The following PLEKHA8 variants were observed in gnomAD, a reference collection of about 807,000 sequenced individuals.
The protein encoded by PLEKHA8 is pleckstrin homology domain-containing family A member 8.
PLEKHA8 carries 36 observed loss-of-function variants against 68.2 expected under a neutral mutation model. The observed-to-expected ratio is 0.53, with a 90% CI of 0.40 to 0.70. The LOEUF (loss-of-function observed/expected upper bound fraction) is 0.70, where lower values mean the gene tolerates loss of function less well. Among genes scored for constraint, PLEKHA8 ranks in the 30% least tolerant of loss-of-function variants. The pLI is 0.00. For missense variants in PLEKHA8, 505 were observed against 615.4 expected (o/e 0.82, Z 1.90); for synonymous variants, 211 against 216.1 (o/e 0.98, Z 0.20).
chr7:30,060,300 G>C (rs1480133762), intron 9 of PLEKHA8, among the ~76,000 whole-genome samples: 2 of 151,840 alleles, frequency 1.3e-5, no homozygotes, highest in Non-Finnish European at 2.9e-5. Context: ...AATTAGCTGG[G>C]CGTGGTGGTG....
At chr7:30,051,786 C>A (rs1792430362) in intron 6 of PLEKHA8, among the ~76,000 whole-genome samples, 3 of 152,052 alleles carry the variant, frequency 2.0e-5, no homozygotes, top group Admixed American at 2.0e-4. Flanking sequence ...CCAGCCTGGC[C>A]AACCTGGTGA....
Position 30,117,019 on chromosome 7 carries a change from A to G in PLEKHA8, c.1363-12247A>G, listed in dbSNP as rs193073081. 5.7e-3 allele frequency among the ~76,000 whole-genome samples: 864 copies of G among 152,314 alleles called. 15 individuals are homozygous for G. Among genetic ancestry groups the G allele is most frequent in the Non-Finnish European group, 7.6e-3 (519 of 68,038 alleles). On this transcript the variant is annotated intron_variant, in intron 13 of 13. Coordinates refer to the PLEKHA8 transcript ENST00000396257. ...CACTTGGTCTTGCAAATGTAGGTCT[A>G]ACTTTGTCACCGCCTTTCCGTCTGC...
intron 1 of PLEKHA8, among the ~76,000 whole-genome samples, chr7:30,041,929 A>G (rs1278884067): frequency 1.3e-5 from 2 of 152,096 alleles, no homozygotes; most frequent in Non-Finnish European, 2.9e-5. Context: ...ATGTAAAATA[A>G]TGGTGTGTCT....
intron 3 of PLEKHA8, among the ~76,000 whole-genome samples, chr7:30,047,081 A>G (rs540655523): frequency 1.3e-5 from 2 of 152,328 alleles, no homozygotes; most frequent in East Asian, 1.9e-4. Context: ...TCCAGGGAAC[A>G]TCTCTCATGA....
intron 13 of PLEKHA8, among the ~76,000 whole-genome samples, chr7:30,117,375 A>G (rs1796600733): frequency 1.3e-5 from 2 of 152,172 alleles, no homozygotes. Flanking sequence ...TAAAATTTGT[A>G]GTAGAAATAA....
chr7:30,087,017 T>G (rs1373287304), downstream of PLEKHA8, among the ~76,000 whole-genome samples: 1 of 152,206 alleles, frequency 6.6e-6, no homozygotes, highest in African/African-American at 2.4e-5. Context: ...TTTGGGATGA[T>G]TTGCTGTGTG....
Position 30,080,066 on chromosome 7 carries a change from A to G in PLEKHA8, c.*1279A>G, listed in dbSNP as rs1794844651. On this transcript the variant is annotated 3_prime_UTR_variant, in exon 14 of 14. Transcript: ENST00000449726. ...GGGGACCATGACTCTGAATCTGCTTACCAATCAATCTCGGTTTAATCACCA... is the reference window on the plus strand; with the variant it reads ...GGGGACCATGACTCTGAATCTGCTTGCCAATCAATCTCGGTTTAATCACCA... The G allele has an allele frequency of 7.1e-6, 7 of 985,376 alleles. No individual in the cohort carries two copies. Among genetic ancestry groups the G allele is most frequent in the Non-Finnish European group, 8.4e-6 (7 of 829,922 alleles). 61.0% of individuals were successfully genotyped at this position (985,376 alleles called of 1,614,324 possible).
chr7:30,084,175 A>G lies in PLEKHA8; in HGVS notation c.*5388A>G. ...AAATTAATGTCTACATAAAGAAGAA[A>G]CATGATAGACCAGATGCCAAAGGCT... On this transcript the variant is annotated 3_prime_UTR_variant, in exon 14 of 14. Transcript: ENST00000449726. The G allele has an allele frequency of 1.0e-6, 1 of 985,350 alleles. No homozygotes were observed. Among genetic ancestry groups the G allele is most frequent in the Non-Finnish European group, 1.2e-6 (1 of 829,808 alleles). 61.0% of individuals were successfully genotyped at this position (985,350 alleles called of 1,614,324 possible). A position where few individuals can be genotyped will look rare whatever the true frequency, so the allele number is the denominator to read the frequency against.
intron 4 of PLEKHA8, among the ~76,000 whole-genome samples, chr7:30,048,834 C>T (rs193038753): frequency 2.3e-4 from 34 of 150,304 alleles, no homozygotes; most frequent in Non-Finnish European, 4.6e-4. Flanking sequence ...GTGAGATAGA[C>T]TGTGAGGGGA....
chr7:30,128,823 G>C (rs754767124), intron 13 of PLEKHA8, among the ~76,000 whole-genome samples: 39 of 152,196 alleles, frequency 2.6e-4, no homozygotes, highest in Non-Finnish European at 4.9e-4. Flanking sequence ...TCCACTCAAG[G>C]TGGAAGACAG....
intron 13 of PLEKHA8, among the ~76,000 whole-genome samples, chr7:30,101,180 G>GAA (rs374275819): frequency 3.5e-5 from 5 of 141,190 alleles, no homozygotes; most frequent in Non-Finnish European, 6.2e-5. Context: ...AGACTTGGGG[G>GAA]AAAAAAAAAA....
intron 12 of PLEKHA8, among the ~76,000 whole-genome samples, chr7:30,066,207 T>C (rs564257844): frequency 6.6e-6 from 1 of 152,364 alleles, no homozygotes; most frequent in African/African-American, 2.4e-5. Flanking sequence ...CCAATAAAAA[T>C]ACTGCTTAAG....
intron 1 of PLEKHA8, among the ~76,000 whole-genome samples, chr7:30,036,414 AGAT>A (rs1214255785): frequency 1.6e-4 from 8 of 50,240 alleles, no homozygotes; most frequent in African/African-American, 5.1e-4. Context: ...TAGAATAGAT[AGAT>A]AGATAGATAG....
At chr7:30,057,737 A>C (rs530554636) in intron 9 of PLEKHA8, among the ~76,000 whole-genome samples, 1 of 152,236 alleles carries the variant, frequency 6.6e-6, no homozygotes, top group Non-Finnish European at 1.5e-5. Flanking sequence ...CTGGGATTAC[A>C]GGAGTGAGCC....
intron 12 of PLEKHA8, among the ~76,000 whole-genome samples, chr7:30,089,676 T>C (rs1795330303): frequency 6.6e-6 from 1 of 151,648 alleles, no homozygotes; most frequent in Non-Finnish European, 1.5e-5. Context: ...GGGATGGGGG[T>C]GGAGTGGGAA....
chr7:30,055,947 T>TC (rs1197425408), intron 9 of PLEKHA8, among the ~76,000 whole-genome samples: 2 of 146,600 alleles, frequency 1.4e-5, no homozygotes, highest in East Asian at 2.0e-4. Context: ...CATATTTTCT[T>TC]TTTTTTTTTT....
intron 13 of PLEKHA8, among the ~76,000 whole-genome samples, chr7:30,110,834 G>A (rs952357639): frequency 6.6e-6 from 1 of 150,606 alleles, no homozygotes; most frequent in Non-Finnish European, 1.5e-5. Flanking sequence ...TTAGCAATTT[G>A]TATATCTTCT....
At chr7:30,127,752 T>C (rs1796799615) in intron 13 of PLEKHA8, among the ~76,000 whole-genome samples, 1 of 152,188 alleles carries the variant, frequency 6.6e-6, no homozygotes, top group African/African-American at 2.4e-5. Flanking sequence ...GAAATAAAAA[T>C]TGTGTTCAGT....
At chr7:30,052,157 G>C (rs925677293) in intron 6 of PLEKHA8, among the ~76,000 whole-genome samples, 1 of 152,142 alleles carries the variant, frequency 6.6e-6, no homozygotes, top group African/African-American at 2.4e-5. Flanking sequence ...GATGCTGCTG[G>C]GGAGCAGGAA....
Sources: gnomAD v4.1 joint callset for allele counts (sites outside exome capture counted in the v4.1 genomes callset) on GRCh38, gnomAD v4.1.1 for gene constraint, MANE v1.5 for transcripts, NCBI Gene and HGNC (gene_info 2026-07-23, HGNC 2026-07-21) for gene names.